The following SLFN5 variants were observed in gnomAD, a reference collection of about 807,000 sequenced individuals.
The protein encoded by SLFN5 is schlafen family member 5.
A neutral mutation model predicts 48.5 loss-of-function variants in SLFN5; 34 were observed. The observed-to-expected ratio is 0.70, with a 90% CI of 0.53 to 0.93. The LOEUF is 0.93. Among genes scored for constraint, SLFN5 ranks in the 40% least tolerant of loss-of-function variants. SLFN5 has a pLI of 0.00. For synonymous variants in SLFN5, 387 were observed against 396.2 expected (o/e 0.98, Z 0.28); for missense variants, 1,006 against 1,071.3 (o/e 0.94, Z 0.85).
chr17:35,266,785 A>G lies in SLFN5; in HGVS notation c.*897A>G, dbSNP rs1312669933. On this transcript the variant is annotated 3_prime_UTR_variant, in exon 5 of 5. Coordinates refer to ENST00000299977, the MANE Select transcript of SLFN5 (RefSeq NM_144975.4). ...AACAAAACGACAAAGTCAGTTTAATATCTTTCTTCTGCTGAGTCTTCAGGA... is the reference window on the plus strand; with the variant it reads ...AACAAAACGACAAAGTCAGTTTAATGTCTTTCTTCTGCTGAGTCTTCAGGA... 6.6e-6 allele frequency: 1 copy of G among 152,226 alleles called. No homozygotes were observed. Among genetic ancestry groups the G allele is most frequent in the Non-Finnish European group, 1.5e-5 (1 of 68,038 alleles). The allele number at this position is 152,226 out of a possible 1,614,324, so 9.4% of individuals were successfully genotyped here. A position where few individuals can be genotyped will look rare whatever the true frequency, so the allele number is the denominator to read the frequency against.
rs1449084064 is a variant in SLFN5, at chr17:35,266,751, T to C, written c.*863T>C. The C allele has an allele frequency of 6.6e-6, 1 of 152,206 alleles. No homozygotes were observed. Among genetic ancestry groups the C allele is most frequent in the African/African-American group, 2.4e-5 (1 of 41,442 alleles). 9.4% of individuals were successfully genotyped at this position (152,206 alleles called of 1,614,324 possible). A position where few individuals can be genotyped will look rare whatever the true frequency, so the allele number is the denominator to read the frequency against. ...GTTACATTTTGTTTTTCCATTTAAT[T>C]TAATAATCAACAAAACGACAAAGTC... On this transcript the variant is annotated 3_prime_UTR_variant, in exon 5 of 5. Coordinates refer to ENST00000299977, the MANE Select transcript of SLFN5 (RefSeq NM_144975.4).
chr17:35,264,999 G>T lies in SLFN5; in HGVS notation c.1860-73G>T. 3 of 1,548,314 alleles carry T rather than the reference G, an allele frequency of 1.9e-6. No individual in the cohort carries two copies. In the South Asian group the frequency reaches 3.9e-5, roughly 20 times the overall value. On this transcript the variant is annotated intron_variant, in intron 4 of 4. Transcript: ENST00000299977. ...CTAAAATTCATATTGTATTTACCAT[G>T]ACCAGAGGGGTTTAAGAGTAGAATC...
At chr17:35,248,038 C>G (rs1313894741) in intron 1 of SLFN5, among the ~76,000 whole-genome samples, 2 of 152,162 alleles carry the variant, frequency 1.3e-5, no homozygotes, top group Non-Finnish European at 2.9e-5. Flanking sequence ...ACAAAGTGCA[C>G]AAGAATTATA....
intron 1 of SLFN5, among the ~76,000 whole-genome samples, chr17:35,250,771 T>C (rs1380719484): frequency 6.6e-6 from 1 of 152,210 alleles, no homozygotes; most frequent in Non-Finnish European, 1.5e-5. Flanking sequence ...AGGAAGCCTG[T>C]TAAAAGGATT....
chr17:35,264,770 G>T lies in SLFN5; in HGVS notation c.1726G>T (p.Val576Phe). ...CCTTCGCAAGACCAGAGAGTTGTTT[G>T]TTCATGGCTTACCTGGATCAGGGAA... ...KNLRKTRELFVHGLPGSGKTI... is the reference protein window; with the variant it reads ...KNLRKTRELFFHGLPGSGKTI... Residue 576 changes from valine to phenylalanine, a missense_variant, in exon 4 of 5, where the codon GTT becomes TTT. By Grantham distance (50) the Val-to-Phe change is conservative (BLOSUM62 -1). Transcript: ENST00000299977. 1 of 1,597,602 alleles carries T rather than the reference G, an allele frequency of 6.3e-7. No individual in the cohort carries two copies. Among genetic ancestry groups the T allele is most frequent in the Non-Finnish European group, 8.5e-7 (1 of 1,173,880 alleles).
At chr17:35,257,474 C>T (rs2142696893) in intron 1 of SLFN5, among the ~76,000 whole-genome samples, 1 of 152,246 alleles carries the variant, frequency 6.6e-6, no homozygotes, top group South Asian at 2.1e-4. Context: ...AGCTCTTTTG[C>T]CAATGTTTAC....
At position 35,259,107 on chromosome 17, in the gene SLFN5, C is replaced by T. The variant is rs1904439012; in HGVS notation, c.417C>T (p.Cys139=). 1.2e-6 allele frequency: 2 copies of T among 1,614,122 alleles called. No homozygotes were observed. The highest frequency in any genetic ancestry group is 1.7e-6 in the Non-Finnish European group (2 of 1,180,018). ...AGGAAGCTCTGGCATTCCTCAAATG[C>T]AGGACTCAGACTCCAACGAATATTA... The part of the protein sequence containing the change: ...DSQEALAFLK[C]RTQTPTNINV... Residue 139 remains cysteine, a synonymous_variant, in exon 2 of 5, where the codon TGC becomes TGT. Coordinates refer to ENST00000299977, the MANE Select transcript of SLFN5 (RefSeq NM_144975.4).
chr17:35,265,921 G>T lies in SLFN5; in HGVS notation c.*33G>T, dbSNP rs773145754. 6.5e-7 allele frequency: 1 copy of T among 1,536,766 alleles called. No homozygotes were observed. Among genetic ancestry groups the T allele is most frequent in the Non-Finnish European group, 8.7e-7 (1 of 1,144,358 alleles). On this transcript the variant is annotated 3_prime_UTR_variant, in exon 5 of 5. Coordinates refer to ENST00000299977, the MANE Select transcript of SLFN5 (RefSeq NM_144975.4). ...CCCAAGCCTAAGAAACAATTAAGTG[G>T]TTCTCATCTCTAATTAACTGTGAAA...
intron 1 of SLFN5, among the ~76,000 whole-genome samples, chr17:35,256,061 C>G (rs1904334500): frequency 1.3e-5 from 2 of 152,140 alleles, no homozygotes; most frequent in African/African-American, 4.8e-5. Context: ...AGAGTTCATT[C>G]AAAATAGTGC....
chr17:35,258,596 T>G (rs1490902751), intron 1 of SLFN5, 55 bp from the exon 2 acceptor site: 5 of 1,468,174 alleles, frequency 3.4e-6, no homozygotes, highest in Non-Finnish European at 4.5e-6. Context: ...CTGTTGGTTT[T>G]CCTGCCTCTC....
At position 35,270,140 on chromosome 17, in the gene SLFN5, T is replaced by C. The variant is rs777613611; in HGVS notation, c.*4252T>C. On this transcript the variant is annotated 3_prime_UTR_variant, in exon 5 of 5. Transcript: ENST00000299977. ...TCCTTCGATTTAACATAATTCTATC[T>C]AGCTGTTCTTATATTTTCTCTGATA... The C allele has an allele frequency of 7.2e-5, 11 of 152,084 alleles. No homozygotes were observed. The highest frequency in any genetic ancestry group is 1.2e-4 in the Non-Finnish European group (8 of 68,002). The allele number at this position is 152,084 out of a possible 1,614,324, so 9.4% of individuals were successfully genotyped here. A position where few individuals can be genotyped will look rare whatever the true frequency, so the allele number is the denominator to read the frequency against.
intron 1 of SLFN5, among the ~76,000 whole-genome samples, chr17:35,258,143 G>A (rs1904396574): frequency 6.6e-6 from 1 of 152,170 alleles, no homozygotes; most frequent in Non-Finnish European, 1.5e-5. Context: ...CACCTTACAA[G>A]CTTAATTCAT....
rs1438688765 is a variant in SLFN5, at chr17:35,266,607, G to A, written c.*719G>A. On this transcript the variant is annotated 3_prime_UTR_variant, in exon 5 of 5. Coordinates refer to ENST00000299977, the MANE Select transcript of SLFN5 (RefSeq NM_144975.4). ...CTCTGATTTTTTATTCTTATGGAGCGTCTTAGGTTACTACATGAAGGTAAG... is the reference window on the plus strand; with the variant it reads ...CTCTGATTTTTTATTCTTATGGAGCATCTTAGGTTACTACATGAAGGTAAG... 1 of 152,088 alleles carries A rather than the reference G, an allele frequency of 6.6e-6. No individual in the cohort carries two copies. Among genetic ancestry groups the A allele is most frequent in the Admixed American group, 6.6e-5 (1 of 15,260 alleles). The allele number at this position is 152,088 out of a possible 1,614,324, so 9.4% of individuals were successfully genotyped here.
At position 35,273,069 on chromosome 17, in the gene SLFN5, A is replaced by G. The variant is rs550876881; in HGVS notation, c.*7181A>G. 40 of 152,356 alleles carry G rather than the reference A, an allele frequency of 2.6e-4. No individual in the cohort carries two copies. Among genetic ancestry groups the G allele is most frequent in the African/African-American group, 9.4e-4 (39 of 41,588 alleles). 9.4% of individuals were successfully genotyped at this position (152,356 alleles called of 1,614,324 possible). A position where few individuals can be genotyped will look rare whatever the true frequency, so the allele number is the denominator to read the frequency against. ...TGCAAAATAGTAAATATATACCCAA[A>G]AGGGTCTAATGGATTAGTTTTTGGC... On this transcript the variant is annotated 3_prime_UTR_variant, in exon 5 of 5. Coordinates refer to ENST00000299977, the MANE Select transcript of SLFN5 (RefSeq NM_144975.4).
In SLFN5 at chr17:35,258,813, A is replaced by G; in HGVS notation, c.123A>G (p.Glu41=). ...MDPRLREKQN[E]IILRAVCALL... is the part of the protein sequence containing the mutation. ...CTCGCCTGCGGGAGAAACAGAATGA[A>G]ATCATCCTGCGAGCAGTATGTGCTC... Residue 41 remains glutamate, a synonymous_variant, in exon 2 of 5, where the codon GAA becomes GAG. Coordinates refer to ENST00000299977, the MANE Select transcript of SLFN5 (RefSeq NM_144975.4). The G allele has an allele frequency of 6.2e-7, 1 of 1,614,156 alleles. No homozygotes were observed. Among genetic ancestry groups the G allele is most frequent in the African/African-American group, 1.3e-5 (1 of 75,034 alleles).
chr17:35,256,433 C>T (rs1904345164), intron 1 of SLFN5, among the ~76,000 whole-genome samples: 1 of 152,092 alleles, frequency 6.6e-6, no homozygotes, highest in Non-Finnish European at 1.5e-5. Context: ...GACTTTATTA[C>T]TGTGTATTTC....
At chr17:35,262,858 C>T (rs757415550) in intron 3 of SLFN5, among the ~76,000 whole-genome samples, 3 of 152,020 alleles carry the variant, frequency 2.0e-5, no homozygotes, top group African/African-American at 4.8e-5. Flanking sequence ...AGCAAGACCC[C>T]GTCCCCCCCA....
rs1221337205 is a variant in SLFN5, at chr17:35,258,750, A to G, written c.60A>G (p.Lys20=). 6.2e-7 allele frequency: 1 copy of G among 1,614,118 alleles called. No homozygotes were observed. The highest frequency in any genetic ancestry group is 1.1e-5 in the South Asian group (1 of 91,070). ...CTGAGTGTGTTGTAGATGCAGGAAA[A>G]GTCACCCTTGGGACTCAGCAGAGGC... ...NFPECVVDAG[K]VTLGTQQRQE... Residue 20 remains lysine (K), a synonymous_variant, in exon 2 of 5, where the codon AAA becomes AAG. Coordinates refer to ENST00000299977, the MANE Select transcript of SLFN5 (RefSeq NM_144975.4).
At chr17:35,251,159 C>T (rs1325268703) in intron 1 of SLFN5, among the ~76,000 whole-genome samples, 1 of 152,172 alleles carries the variant, frequency 6.6e-6, no homozygotes, top group Non-Finnish European at 1.5e-5. Flanking sequence ...GCCATTTTGT[C>T]TATTTGTGCG....
Sources: gnomAD v4.1 joint callset for allele counts (sites outside exome capture counted in the v4.1 genomes callset) on GRCh38, gnomAD v4.1.1 for gene constraint, MANE v1.5 for transcripts, NCBI Gene and HGNC (gene_info 2026-07-23, HGNC 2026-07-21) for gene names.